PIK3CD: variants seen among roughly 807,000 people sequenced by gnomAD.
The protein encoded by PIK3CD is phosphatidylinositol-4,5-bisphosphate 3-kinase catalytic subunit delta, also known as phosphatidylinositol 4,5-bisphosphate 3-kinase catalytic subunit delta isoform.
PIK3CD carries 20 observed loss-of-function variants against 122.9 expected under a neutral mutation model. The ratio of observed to expected loss-of-function variants is 0.16; its 90% CI spans 0.11 to 0.24. The LOEUF is 0.24. PIK3CD is among the 10% of genes least tolerant of loss of function. The probability of loss-of-function intolerance (pLI) is 1.00; values close to 1 mark genes in which losing one functional copy is unlikely to be tolerated. For synonymous variants in PIK3CD, 596 were observed against 593.4 expected (o/e 1.00, Z -0.06); for missense variants, 787 against 1,406.3 (o/e 0.56, Z 7.04).
the PIK3CD span, among the ~76,000 whole-genome samples, chr1:9,630,707 A>AGTGTGTGTGTGT: frequency 0.013 from 1,975 of 147,618 alleles, 41 homozygotes; most frequent in African/African-American, 0.045. Context: ...AAAGAAAGTG[A>AGTGTGTGTGTGT]GTGTGTGTGT....
chr1:9,698,639 C>A (rs1004443419), intron 2 of PIK3CD, among the ~76,000 whole-genome samples: 2 of 152,172 alleles, frequency 1.3e-5, no homozygotes, highest in African/African-American at 4.8e-5. Flanking sequence ...CATTGAATAT[C>A]TTTGTGTATA....
chr1:9,717,194 A>G lies in PIK3CD; in HGVS notation c.930+86A>G, dbSNP rs1647628244. ...TCCATGTGCTACTGGCCATGGGTCC[A>G]GGGGCCCTTGGTATGGAGAGCTGGG... On this transcript the variant is annotated intron_variant, in intron 7 of 23. Transcript: ENST00000377346. This position sits in a 1 kb window ranked among gnomAD's most constrained non-coding sequence, Gnocchi z 5.4. 2.0e-6 allele frequency: 3 copies of G among 1,516,398 alleles called. No homozygotes were observed. The highest frequency in any genetic ancestry group is 1.7e-5 in the Admixed American group (1 of 59,558). 93.9% of individuals were successfully genotyped at this position (1,516,398 alleles called of 1,614,324 possible).
chr1:9,727,022 C>T lies in PIK3CD; in HGVS notation c.3111C>T (p.Asn1037=), dbSNP rs753148129. The T allele has an allele frequency of 4.3e-6, 7 of 1,613,966 alleles. No individual in the cohort carries two copies. Among genetic ancestry groups the T allele is most frequent in the East Asian group, 2.2e-5 (1 of 44,890 alleles). ...WKTKVNWLAH[N]VSKDNRQ ...CCAAAGTGAACTGGCTGGCCCACAACGTGTCCAAAGACAACAGGCAGTAGT... is the reference window on the plus strand; with the variant it reads ...CCAAAGTGAACTGGCTGGCCCACAATGTGTCCAAAGACAACAGGCAGTAGT... The change falls in exon 24 of 24, where the codon AAC becomes AAT. Residue 1037 remains asparagine (N), a synonymous_variant. Coordinates refer to ENST00000377346, the MANE Select transcript of PIK3CD (RefSeq NM_005026.5).
intron 3 of PIK3CD, among the ~76,000 whole-genome samples, chr1:9,711,309 G>C (rs1647043952): frequency 6.6e-6 from 1 of 152,082 alleles, no homozygotes; most frequent in African/African-American, 2.4e-5. Context: ...TGGCCTGGCT[G>C]GTCTTGAACT....
chr1:9,712,245 G>A (rs539704913), intron 3 of PIK3CD, among the ~76,000 whole-genome samples: 1 of 152,168 alleles, frequency 6.6e-6, no homozygotes, highest in South Asian at 2.1e-4. Context: ...TGGGCTGTGG[G>A]AGGGCAGGAC....
chr1:9,691,259 T>G (rs1646186387), intron 1 of PIK3CD, among the ~76,000 whole-genome samples: 1 of 152,192 alleles, frequency 6.6e-6, no homozygotes, highest in South Asian at 2.1e-4. Context: ...TGTGGTTGGT[T>G]TCAGTACCAC....
the PIK3CD span, among the ~76,000 whole-genome samples, chr1:9,630,414 C>T: frequency 6.6e-6 from 1 of 152,228 alleles, no homozygotes; most frequent in African/African-American, 2.4e-5. Context: ...CACCTTGTCC[C>T]TTCATGACCA....
At chr1:9,679,346 G>A (rs1021468793) in intron 1 of PIK3CD, among the ~76,000 whole-genome samples, 3 of 152,074 alleles carry the variant, frequency 2.0e-5, no homozygotes, top group African/African-American at 7.2e-5. Flanking sequence ...GGGATTACAG[G>A]CGTGAGCCAC....
chr1:9,649,031 G>A (rs1284091995), upstream of PIK3CD, among the ~76,000 whole-genome samples: 1 of 152,094 alleles, frequency 6.6e-6, no homozygotes, highest in Admixed American at 6.6e-5. Flanking sequence ...GAACCCGGGA[G>A]GCCAAGGTGG....
chr1:9,710,577 A>C lies in PIK3CD; in HGVS notation c.122A>C (p.Asn41Thr), dbSNP rs1223183330. The change falls in exon 3 of 24, where the codon AAC becomes ACC. Residue 41 changes from asparagine (N) to threonine (T), a missense_variant. This residue lies in a region of PIK3CD where 592 missense variants were observed against 920.6 expected (regional missense o/e 0.64). Coordinates refer to ENST00000377346, the MANE Select transcript of PIK3CD (RefSeq NM_005026.5). The surrounding 1 kb of genome is among the most constrained non-coding windows in gnomAD (Gnocchi z 4.7). ...AACTTCCCTGTGTCCCGCAATGCCA[A>C]CCTCAGCACCATCAAGCAGGTATGG... ...YLNFPVSRNANLSTIKQLLWH... is the reference protein window; with the variant it reads ...YLNFPVSRNATLSTIKQLLWH... 1 of 1,613,698 alleles carries C rather than the reference A, an allele frequency of 6.2e-7. No homozygotes were observed. Among genetic ancestry groups the C allele is most frequent in the Non-Finnish European group, 8.5e-7 (1 of 1,179,974 alleles).
intron 1 of PIK3CD, among the ~76,000 whole-genome samples, chr1:9,667,076 C>G (rs1645182875): frequency 6.6e-6 from 1 of 152,116 alleles, no homozygotes; most frequent in Non-Finnish European, 1.5e-5. Context: ...GTTTTCCAAG[C>G]TGGTCTCGAA....
At position 9,710,351 on chromosome 1, in the gene PIK3CD, T is replaced by C; in HGVS notation, c.-32-73T>C. 1 of 1,243,258 alleles carries C rather than the reference T, an allele frequency of 8.0e-7. No individual in the cohort carries two copies. The highest frequency in any genetic ancestry group is 1.2e-6 in the Non-Finnish European group (1 of 847,702). The allele number at this position is 1,243,258 out of a possible 1,614,324, so 77.0% of individuals were successfully genotyped here. A position where few individuals can be genotyped will look rare whatever the true frequency, so the allele number is the denominator to read the frequency against. On this transcript the variant is annotated intron_variant, in intron 2 of 23. Transcript: ENST00000377346. The surrounding 1 kb of genome is among the most constrained non-coding windows in gnomAD (Gnocchi z 4.7). ...CTGCTGTCCAAGGACCCCACTGTTTTCCAGGGAGTCCCTTCCAAAGGTCTC... is the reference window on the plus strand; with the variant it reads ...CTGCTGTCCAAGGACCCCACTGTTTCCCAGGGAGTCCCTTCCAAAGGTCTC...
intron 1 of PIK3CD, among the ~76,000 whole-genome samples, chr1:9,655,225 G>A (rs756185172): frequency 8.5e-5 from 13 of 152,150 alleles, no homozygotes; most frequent in South Asian, 2.1e-4. Flanking sequence ...TCCACTGGAG[G>A]ATGGCAGAGC....
rs1163925325 is a variant in PIK3CD at position 9,695,812 on chromosome 1, C to A, written c.-33+4241C>A. ...AGCCGAGATTGTGCCACTGCACTCT[C>A]CAGCCTGGGTGACAGAGCGAGACTC... On this transcript the variant is annotated intron_variant, in intron 2 of 23. Coordinates refer to ENST00000377346, the MANE Select transcript of PIK3CD (RefSeq NM_005026.5). Among the ~76,000 whole-genome samples the A allele has an allele frequency of 2.0e-5, 3 of 149,444 alleles. No homozygotes were observed. The East Asian group carries it at 5.9e-4, about 30-fold the overall frequency.
rs149376192 is a variant in PIK3CD at position 9,722,323 on chromosome 1, G to A, written c.2314G>A (p.Gly772Ser). The change falls in exon 18 of 24, where the codon GGC (glycine) becomes AGC (serine). Residue 772 changes from glycine (G) to serine (S), a missense_variant. Around this residue, in one of 6 missense-constraint regions of PIK3CD, gnomAD observed 69 missense variants for 166.8 expected, o/e 0.41. Coordinates refer to ENST00000377346, the MANE Select transcript of PIK3CD (RefSeq NM_005026.5). The surrounding 1 kb of genome is among the most constrained non-coding windows in gnomAD (Gnocchi z 7.6). ...MYSNEEAGSG[G>S]SVGIIFKNGD... is the part of the protein sequence containing the mutation. ...CAGCAACGAGGAGGCAGGCAGCGGC[G>A]GCAGCGTGGGCATCATCTTTAAGAA... 221 of 1,613,164 alleles carry A rather than the reference G, an allele frequency of 1.4e-4. 1 individual carries two copies. In the African/African-American group the frequency reaches 1.7e-3, roughly 12 times the overall value.
the PIK3CD span, among the ~76,000 whole-genome samples, chr1:9,629,540 C>T: frequency 6.7e-5 from 9 of 133,888 alleles, no homozygotes; most frequent in East Asian, 1.6e-3. Flanking sequence ...GAGAAAGAAT[C>T]GAGGAGCCAC....
intron 1 of PIK3CD, among the ~76,000 whole-genome samples, chr1:9,667,805 C>T (rs769205113): frequency 3.3e-5 from 5 of 149,534 alleles, no homozygotes; most frequent in Non-Finnish European, 5.9e-5. Flanking sequence ...GGAGCAATCA[C>T]AGCTTATTGC....
At chr1:9,627,940 A>G in the PIK3CD span, among the ~76,000 whole-genome samples, 1 of 152,156 alleles carries the variant, frequency 6.6e-6, no homozygotes, top group African/African-American at 2.4e-5. Context: ...CAATGGAGGA[A>G]CCATGGAGGC....
At position 9,704,178 on chromosome 1, in the gene PIK3CD, T is replaced by C. The variant is rs573754277; in HGVS notation, c.-32-6246T>C. ...TGGTGACAGGACCTGGCATTTGATG[T>C]CCTGTGCAGACCAGTCTGATACTTT... On this transcript the variant is annotated intron_variant, in intron 2 of 23. Transcript: ENST00000377346. This position sits in a 1 kb window ranked among gnomAD's most constrained non-coding sequence, Gnocchi z 5.0. 6.6e-6 allele frequency among the ~76,000 whole-genome samples: 1 copy of C among 152,202 alleles called. No homozygotes were observed. Among genetic ancestry groups the C allele is most frequent in the Non-Finnish European group, 1.5e-5 (1 of 68,020 alleles).
Sources: allele counts gnomAD v4.1 joint callset (sites outside exome capture counted in the v4.1 genomes callset), GRCh38; gene constraint gnomAD v4.1.1; regional missense constraint gnomAD v4.1.1; non-coding constraint Gnocchi (gnomAD v3.1); transcripts MANE v1.5; gene names NCBI Gene and HGNC (gene_info 2026-07-23, HGNC 2026-07-21).